Variants in FRMD6 observed in about 807,000 individuals in gnomAD.
FRMD6 encodes the protein FERM domain containing 6.
A neutral mutation model predicts 73.2 loss-of-function variants in FRMD6; 37 were observed. The observed-to-expected ratio is 0.51, with a 90% confidence interval of 0.39 to 0.66. The LOEUF is 0.66. FRMD6 is among the 30% of genes least tolerant of loss of function. FRMD6 has a pLI of 0.00. For missense variants in FRMD6, 714 were observed against 780.5 expected, an observed-to-expected ratio of 0.91 and a Z score of 1.02; for synonymous variants, 273 against 282.2, an observed-to-expected ratio of 0.97 and a Z score of 0.33.
the FRMD6 span, among the ~76,000 whole-genome samples, chr14:51,446,283 GCTTCTC>G: frequency 6.6e-6 from 1 of 152,164 alleles, no homozygotes; most frequent in Admixed American, 6.5e-5. Flanking sequence ...CTGTGTTCTG[GCTTCTC>G]CTTTTCATCT....
intron 1 of FRMD6, among the ~76,000 whole-genome samples, chr14:51,545,858 G>T (rs1032904023): frequency 1.3e-5 from 2 of 152,036 alleles, no homozygotes; most frequent in Non-Finnish European, 2.9e-5. Context: ...AAGGGAATAT[G>T]TTCGGGCATA....
At chr14:51,609,538 G>C (rs1202173430) in intron 2 of FRMD6, among the ~76,000 whole-genome samples, 2 of 152,322 alleles carry the variant, frequency 1.3e-5, no homozygotes, top group East Asian at 3.9e-4. Flanking sequence ...AATTCACCAG[G>C]CAGAGAAGGG....
chr14:51,490,765 T>C (rs1245815628), intron 1 of FRMD6, among the ~76,000 whole-genome samples: 1 of 152,190 alleles, frequency 6.6e-6, no homozygotes, highest in Non-Finnish European at 1.5e-5. Flanking sequence ...TTACCGAAAC[T>C]GCTTGTGTAC....
the FRMD6 span, among the ~76,000 whole-genome samples, chr14:51,476,279 G>A: frequency 6.6e-6 from 1 of 152,176 alleles, no homozygotes. Context: ...AGGGGCCAAC[G>A]CATGCTGGGA....
chr14:51,513,218 G>C (rs979954822), intron 1 of FRMD6, among the ~76,000 whole-genome samples: 5 of 152,170 alleles, frequency 3.3e-5, no homozygotes, highest in African/African-American at 1.2e-4. Context: ...AACTGGTACA[G>C]TCCCCTACCC....
At position 51,491,115 on chromosome 14, in the gene FRMD6, C is replaced by G. The variant is rs1882978866; in HGVS notation, c.-210+1695C>G. ...TTGGAAGACTCTTCCCTGGGTGTCT[C>G]CAAGGGAAGCTTCTTTTCTCTTTTG... is the stretch of plus-strand genomic sequence containing the variant. On this transcript the variant is annotated intron_variant, in intron 1 of 14. Coordinates refer to the FRMD6 transcript ENST00000356218. Among the ~76,000 whole-genome samples the G allele has an allele frequency of 3.9e-5, 6 of 152,284 alleles. No homozygotes were observed. The South Asian group carries it at 1.2e-3, about 32-fold the overall frequency.
chr14:51,640,752 T>C (rs1266356295), intron 2 of FRMD6, among the ~76,000 whole-genome samples: 1 of 152,242 alleles, frequency 6.6e-6, no homozygotes, highest in Non-Finnish European at 1.5e-5. Flanking sequence ...AAACAATTCT[T>C]GATAGCCCTA....
intron 1 of FRMD6, among the ~76,000 whole-genome samples, chr14:51,556,272 G>A (rs2139470802): frequency 6.6e-6 from 1 of 152,280 alleles, no homozygotes; most frequent in South Asian, 2.1e-4. Flanking sequence ...TGTTCTCTCA[G>A]ATTTCTGTAT....
At chr14:51,681,821 A>G (rs575456561) in intron 1 of FRMD6, among the ~76,000 whole-genome samples, 8 of 152,316 alleles carry the variant, frequency 5.3e-5, no homozygotes, top group African/African-American at 1.7e-4. Flanking sequence ...AATTAAAGCT[A>G]TTTTTACTAA....
intron 1 of FRMD6, among the ~76,000 whole-genome samples, chr14:51,548,988 G>C (rs8011691): frequency 0.05 from 7,560 of 152,280 alleles, 188 homozygotes; most frequent in Non-Finnish European, 0.057. Flanking sequence ...TCCATGGTTA[G>C]AATATTTGAT....
chr14:51,640,993 CAG>C lies in FRMD6; in HGVS notation c.-146-48695_-146-48694del, dbSNP rs1250809095. ...CTTTCCTTTTTTTTTTCTTTTTTGACAGAGTCTTGCTCTGTCACCCAGGCTGG... is the reference window on the plus strand; with the variant it reads ...CTTTCCTTTTTTTTTTCTTTTTTGACAGTCTTGCTCTGTCACCCAGGCTGG... On this transcript the variant is annotated intron_variant, in intron 2 of 14. Coordinates refer to the FRMD6 transcript ENST00000356218. Among the ~76,000 whole-genome samples the C allele has an allele frequency of 7.3e-5, 11 of 151,046 alleles. No individual in the cohort carries two copies. The East Asian group carries it at 1.4e-3, about 19-fold the overall frequency.
At chr14:51,619,444 G>A (rs144559165) in intron 2 of FRMD6, among the ~76,000 whole-genome samples, 6 of 151,688 alleles carry the variant, frequency 4.0e-5, no homozygotes, top group Admixed American at 3.3e-4. Flanking sequence ...TAACGGATCC[G>A]AGGTCAGCAC....
rs376784105 is a variant in FRMD6 at position 51,722,070 on chromosome 14, T to A, written c.1482T>A (p.Asn494Lys). 3.1e-6 allele frequency: 5 copies of A among 1,613,986 alleles called. No individual in the cohort carries two copies. Among genetic ancestry groups the A allele is most frequent in the Middle Eastern group, 1.6e-4 (1 of 6,084 alleles). The change falls in exon 12 of 14, where the codon AAT becomes AAA. Residue 494 changes from asparagine to lysine, a missense_variant. Coordinates refer to ENST00000344768, the MANE Select transcript of FRMD6 (RefSeq NM_001267046.2). ...TEDMLMSRKL[N>K]GHSGLIVKEI... The stretch of plus-strand genomic sequence containing the variant: ...ACATGCTCATGTCGCGGAAGCTGAA[T>A]GGACACTCTGGTGAGCTCTTACGGG...
At chr14:51,416,855 T>C in the FRMD6 span, among the ~76,000 whole-genome samples, 1 of 152,252 alleles carries the variant, frequency 6.6e-6, no homozygotes, top group Non-Finnish European at 1.5e-5. Context: ...GGTGCATATA[T>C]ATTTAGGATA....
chr14:51,461,867 T>C, the FRMD6 span, among the ~76,000 whole-genome samples: 2 of 152,232 alleles, frequency 1.3e-5, no homozygotes, highest in African/African-American at 4.8e-5. Context: ...GTTACTTCTG[T>C]CTCAGTATCT....
intron 2 of FRMD6, among the ~76,000 whole-genome samples, chr14:51,579,797 C>T (rs1041335149): frequency 6.6e-6 from 1 of 152,238 alleles, no homozygotes; most frequent in East Asian, 1.9e-4. Flanking sequence ...CATTGATTTC[C>T]AGGTCCTCTT....
At chr14:51,605,331 T>G (rs8014154) in intron 2 of FRMD6, among the ~76,000 whole-genome samples, 1 of 151,398 alleles carries the variant, frequency 6.6e-6, no homozygotes, top group East Asian at 1.9e-4. Context: ...TAGGGAGTGG[T>G]GATGACTCTT....
chr14:51,429,171 C>A, the FRMD6 span, among the ~76,000 whole-genome samples: 2 of 152,152 alleles, frequency 1.3e-5, no homozygotes, highest in Admixed American at 1.3e-4. Flanking sequence ...TTCTCCAAAC[C>A]AGTTCAGCTG....
intron 2 of FRMD6, among the ~76,000 whole-genome samples, chr14:51,611,287 A>G (rs2139865025): frequency 6.6e-6 from 1 of 152,336 alleles, no homozygotes; most frequent in East Asian, 1.9e-4. Context: ...TCCCATAGAA[A>G]TTCAGAGTTC....
Sources: gnomAD v4.1 joint callset for allele counts (sites outside exome capture counted in the v4.1 genomes callset) on GRCh38, gnomAD v4.1.1 for gene constraint, MANE v1.5 for transcripts, NCBI Gene and HGNC (gene_info 2026-07-23, HGNC 2026-07-21) for gene names.